The following AMPH variants were observed in gnomAD, a reference collection of about 807,000 sequenced individuals.
AMPH encodes amphiphysin (Stiff-Mann syndrome with breast cancer 128kD autoantigen).
Under a neutral mutation model 99.1 loss-of-function variants are expected in AMPH, and 49 were observed. The ratio of observed to expected loss-of-function variants is 0.49; its 90% CI spans 0.39 to 0.63. The LOEUF (loss-of-function observed/expected upper bound fraction) is 0.63, where lower values mean the gene tolerates loss of function less well. AMPH is among the 20% of genes least tolerant of loss of function. The pLI is 0.00. For synonymous variants in AMPH, 314 were observed against 317.3 expected, an observed-to-expected ratio of 0.99 and a Z score of 0.11; for missense variants, 759 against 863.4, an observed-to-expected ratio of 0.88 and a Z score of 1.52.
At chr7:38,526,062 G>A (rs1229006644) in intron 2 of AMPH, among the ~76,000 whole-genome samples, 1 of 152,154 alleles carries the variant, frequency 6.6e-6, no homozygotes, top group African/African-American at 2.4e-5. Flanking sequence ...TTCACACAAT[G>A]TATGAGTGAT....
intron 1 of AMPH, among the ~76,000 whole-genome samples, chr7:38,578,954 T>C (rs1006901943): frequency 6.6e-6 from 1 of 152,354 alleles, no homozygotes; most frequent in East Asian, 1.9e-4. Context: ...TGTTGAGATA[T>C]TGCATGTCAT....
chr7:38,624,520 G>A (rs914515397), intron 1 of AMPH, among the ~76,000 whole-genome samples: 11 of 148,968 alleles, frequency 7.4e-5, no homozygotes, highest in Non-Finnish European at 1.3e-4. Flanking sequence ...TCGGCCTCCC[G>A]AGTATCCTGC....
intron 3 of AMPH, among the ~76,000 whole-genome samples, chr7:38,498,702 A>G (rs763481849): frequency 6.6e-6 from 1 of 152,216 alleles, no homozygotes; most frequent in Non-Finnish European, 1.5e-5. Context: ...TGAATTCCAC[A>G]CAATCACAAT....
At position 38,418,160 on chromosome 7, in the gene AMPH, A is replaced by G. The variant is rs367578504; in HGVS notation, c.1273-210T>C. The G allele has an allele frequency of 3.0e-5, 12 of 406,066 alleles. 1 individual carries two copies. Among genetic ancestry groups the G allele is most frequent in the African/African-American group, 1.9e-4 (9 of 48,232 alleles). 25.2% of individuals were successfully genotyped at this position (406,066 alleles called of 1,614,324 possible). ...TAAAATCTTATTAAGCTTCTGCTTT[A>G]CCATCATCAAGACTGTCATTTCCCT... is the stretch of plus-strand genomic sequence containing the variant. On this transcript the variant is annotated intron_variant, in intron 16 of 20. Transcript: ENST00000356264.
chr7:38,568,451 C>T (rs1411577193), intron 1 of AMPH, among the ~76,000 whole-genome samples: 2 of 152,056 alleles, frequency 1.3e-5, no homozygotes, highest in South Asian at 2.1e-4. Context: ...GGCGGCAAAG[C>T]GAGACTCCGT....
intron 1 of AMPH, among the ~76,000 whole-genome samples, chr7:38,610,264 G>GA (rs374697181): frequency 5.8e-4 from 4 of 6,898 alleles, no homozygotes; most frequent in African/African-American, 4.0e-3. Context: ...AAAAAAAAAA[G>GA]AAAGAAAGAA....
At chr7:38,512,417 A>C (rs953267388) in intron 2 of AMPH, among the ~76,000 whole-genome samples, 5 of 152,230 alleles carry the variant, frequency 3.3e-5, no homozygotes, top group African/African-American at 1.2e-4. Context: ...AGAATGGTAC[A>C]GTCAACCTGG....
chr7:38,450,546 T>G (rs931330519), intron 11 of AMPH, among the ~76,000 whole-genome samples: 4 of 152,160 alleles, frequency 2.6e-5, no homozygotes, highest in African/African-American at 9.7e-5. Flanking sequence ...TTCGGAGCAC[T>G]CCCCAACACT....
At chr7:38,388,922 G>A (rs1784418401) in intron 20 of AMPH, among the ~76,000 whole-genome samples, 1 of 152,194 alleles carries the variant, frequency 6.6e-6, no homozygotes, top group African/African-American at 2.4e-5. Context: ...GGGATTACAG[G>A]CATGAGCCAC....
chr7:38,417,655 T>TA (rs1785430113), intron 17 of AMPH, among the ~76,000 whole-genome samples, 170 bp downstream of exon 17: 1 of 152,150 alleles, frequency 6.6e-6, no homozygotes, highest in Non-Finnish European at 1.5e-5. Flanking sequence ...TCTTCCTTAA[T>TA]AAAAAATGAA....
chr7:38,522,018 G>A (rs1789983499), intron 2 of AMPH, among the ~76,000 whole-genome samples: 1 of 152,200 alleles, frequency 6.6e-6, no homozygotes, highest in Admixed American at 6.5e-5. Context: ...AACTCCTGAT[G>A]AGGTAGAGTA....
chr7:38,390,961 CAGAG>C (rs199667568), intron 19 of AMPH, among the ~76,000 whole-genome samples: 4,289 of 128,472 alleles, frequency 0.033, 36 homozygotes, highest in East Asian at 0.054. Flanking sequence ...GAGACAAAGA[CAGAG>C]AGAGAGAGAG....
intron 1 of AMPH, among the ~76,000 whole-genome samples, chr7:38,543,036 G>A (rs748508123): frequency 2.3e-4 from 35 of 151,806 alleles, no homozygotes; most frequent in Admixed American, 3.9e-4. Context: ...AGAGGTTGCA[G>A]TGAGCCGAGA....
chr7:38,423,580 T>C (rs879507309), intron 15 of AMPH, among the ~76,000 whole-genome samples: 2 of 151,920 alleles, frequency 1.3e-5, no homozygotes, highest in Non-Finnish European at 2.9e-5. Flanking sequence ...ATGAAAAGAA[T>C]GAGAAGAAAG....
intron 7 of AMPH, among the ~76,000 whole-genome samples, chr7:38,467,210 T>C (rs80286963): frequency 0.096 from 14,678 of 152,190 alleles, 946 homozygotes; most frequent in Middle Eastern, 0.2. Context: ...GCAGAGGTCC[T>C]TGCCAGACCA....
chr7:38,621,016 G>A (rs966918419), intron 1 of AMPH, among the ~76,000 whole-genome samples: 1 of 152,146 alleles, frequency 6.6e-6, no homozygotes, highest in Non-Finnish European at 1.5e-5. Context: ...CATTTATAAG[G>A]CCAGTGTCTG....
intron 1 of AMPH, among the ~76,000 whole-genome samples, chr7:38,629,953 T>C (rs1794398020): frequency 6.6e-6 from 1 of 152,064 alleles, no homozygotes; most frequent in Non-Finnish European, 1.5e-5. Flanking sequence ...AGAGTGTGCA[T>C]GTGTGGAGGG....
At chr7:38,516,938 A>G (rs2196676) in intron 2 of AMPH, among the ~76,000 whole-genome samples, 148,815 of 152,362 alleles carry the variant, frequency 0.98, 72,694 homozygotes, top group East Asian at 1. Context: ...CATGGGGCCC[A>G]TAGCCCCTTT....
chr7:38,396,379 T>C (rs910071520), intron 17 of AMPH, among the ~76,000 whole-genome samples: 2 of 152,218 alleles, frequency 1.3e-5, no homozygotes, highest in African/African-American at 4.8e-5. Flanking sequence ...CCATGTAAGA[T>C]GTGACTTGCT....
Sources: gnomAD v4.1 joint callset for allele counts (sites outside exome capture counted in the v4.1 genomes callset) on GRCh38, gnomAD v4.1.1 for gene constraint, MANE v1.5 for transcripts, NCBI Gene and HGNC (gene_info 2026-07-23, HGNC 2026-07-21) for gene names.